SNAPC3: variants seen among roughly 807,000 people sequenced by gnomAD.
SNAPC3 encodes the protein snRNA-activating protein complex subunit 3.
SNAPC3 carries 56 observed loss-of-function variants against 47.7 expected under a neutral mutation model. The ratio of observed to expected loss-of-function variants is 1.18; its 90% CI spans 0.95 to 1.47. The LOEUF (loss-of-function observed/expected upper bound fraction) is 1.47. SNAPC3 is among the 40% of genes most tolerant of loss of function. The pLI is 0.00. For missense variants in SNAPC3, 665 were observed against 511.3 expected, an observed-to-expected ratio of 1.30 and a Z score of -2.90; for synonymous variants, 235 against 189.9, an observed-to-expected ratio of 1.24 and a Z score of -1.95.
At chr9:15,465,237 C>A (rs1164741422), downstream of SNAPC3, 3 of 356,274 alleles carry the variant, frequency 8.4e-6, no homozygotes, top group African/African-American at 2.1e-5. Flanking sequence ...CATTAACATA[C>A]ACACACTAAT....
intron 4 of SNAPC3, among the ~76,000 whole-genome samples, chr9:15,446,782 G>C (rs1278495684): frequency 6.6e-6 from 1 of 152,180 alleles, no homozygotes; most frequent in Non-Finnish European, 1.5e-5. Context: ...TTTGGTGGCA[G>C]AGGGGCTGTC....
intron 2 of SNAPC3, among the ~76,000 whole-genome samples, chr9:15,427,277 G>T (rs974303278): frequency 6.6e-6 from 1 of 152,208 alleles, no homozygotes; most frequent in Non-Finnish European, 1.5e-5. Context: ...AGAGATAATT[G>T]TTAATACATG....
intron 2 of SNAPC3, among the ~76,000 whole-genome samples, chr9:15,425,210 TGTTATGTTATGTTAC>T (rs1407456574): frequency 1.3e-5 from 2 of 152,154 alleles, no homozygotes; most frequent in African/African-American, 4.8e-5. Flanking sequence ...ACCACTTCTA[TGTTATGTTATGTTAC>T]GTTATTTTTT....
At chr9:15,433,751 C>T in intron 3 of SNAPC3, 115 bp downstream of exon 3, 1 of 596,862 alleles carries the variant, frequency 1.7e-6, no homozygotes, top group Non-Finnish European at 2.9e-6. Context: ...TAGTTGAAAA[C>T]AAACTAGAGA....
intron 7 of SNAPC3, among the ~76,000 whole-genome samples, chr9:15,453,735 TG>T (rs1202868443): frequency 6.6e-6 from 1 of 152,262 alleles, no homozygotes; most frequent in Non-Finnish European, 1.5e-5. Flanking sequence ...CTCTATTCCA[TG>T]AATAAGGCTA....
At chr9:15,440,419 C>T (rs940420619) in intron 3 of SNAPC3, among the ~76,000 whole-genome samples, 2 of 152,296 alleles carry the variant, frequency 1.3e-5, no homozygotes, top group South Asian at 2.1e-4. Flanking sequence ...GTCTTAATTT[C>T]TCCTTCATTC....
At chr9:15,462,187 A>C (rs1563858368), downstream of SNAPC3, 1 of 152,248 alleles carries the variant, frequency 6.6e-6, no homozygotes, top group Non-Finnish European at 1.5e-5. Context: ...GACAAAGAAG[A>C]AACATGCCAG....
At chr9:15,440,251 G>C (rs933565084) in intron 3 of SNAPC3, among the ~76,000 whole-genome samples, 12 of 152,180 alleles carry the variant, frequency 7.9e-5, no homozygotes, top group African/African-American at 2.9e-4. Flanking sequence ...ATATTTACCT[G>C]TGTTGTTCCC....
At chr9:15,432,564 G>C (rs1436545210) in intron 2 of SNAPC3, among the ~76,000 whole-genome samples, 1 of 152,148 alleles carries the variant, frequency 6.6e-6, no homozygotes. Context: ...GAGAGGACTT[G>C]CTGAAAGAAC....
In SNAPC3 at chr9:15,453,160, G is replaced by A; in HGVS notation, c.935G>A (p.Cys312Tyr). The A allele has an allele frequency of 1.9e-6, 3 of 1,613,284 alleles. No homozygotes were observed. Among genetic ancestry groups the A allele is most frequent in the Non-Finnish European group, 2.5e-6 (3 of 1,179,350 alleles). Residue 312 changes from cysteine (C) to tyrosine (Y), a missense_variant, in exon 7 of 9, where the codon TGT becomes TAT. Cys to Tyr is a radical substitution (Grantham distance 194). Coordinates refer to ENST00000380821, the MANE Select transcript of SNAPC3 (RefSeq NM_001039697.2). ...CIKLGFPYLY[C>Y]HQGDCEHVIV... ...AAACTGGGTTTTCCTTACTTATACT[G>A]TCATCAGGGAGACTGTGAACATGTC...
intron 7 of SNAPC3, among the ~76,000 whole-genome samples, chr9:15,454,041 C>G (rs543776017): frequency 6.6e-6 from 1 of 152,164 alleles, no homozygotes; most frequent in South Asian, 2.1e-4. Context: ...TCGAGACCAG[C>G]CTGAACAATA....
chr9:15,428,361 T>G (rs921196388), intron 2 of SNAPC3, among the ~76,000 whole-genome samples: 1 of 151,878 alleles, frequency 6.6e-6, no homozygotes, highest in Non-Finnish European at 1.5e-5. Context: ...CTGTTAAGTC[T>G]AGCCGGTCGT....
chr9:15,465,704 A>T, downstream of SNAPC3: 1 of 726,778 alleles, frequency 1.4e-6, no homozygotes, highest in Non-Finnish European at 2.2e-6. Flanking sequence ...AAACAAAAGA[A>T]AAACTTGACT....
intron 3 of SNAPC3, among the ~76,000 whole-genome samples, chr9:15,438,450 T>C (rs961933001): frequency 2.0e-5 from 3 of 152,152 alleles, no homozygotes; most frequent in Non-Finnish European, 2.9e-5. Context: ...TTCTGTATTT[T>C]CTATTCTTTT....
chr9:15,454,754 A>T (rs114085431), intron 7 of SNAPC3, among the ~76,000 whole-genome samples: 1 of 152,106 alleles, frequency 6.6e-6, no homozygotes, highest in East Asian at 1.9e-4. Context: ...TGGCTAACAC[A>T]GTGAAAGCGT....
chr9:15,431,516 G>A (rs1370050061), intron 2 of SNAPC3, among the ~76,000 whole-genome samples: 1 of 151,678 alleles, frequency 6.6e-6, no homozygotes, highest in Non-Finnish European at 1.5e-5. Context: ...ATTGATACAG[G>A]AGATAACAGA....
intron 3 of SNAPC3, among the ~76,000 whole-genome samples, chr9:15,437,114 C>G (rs545274014): frequency 6.6e-6 from 1 of 152,080 alleles, no homozygotes; most frequent in Non-Finnish European, 1.5e-5. Flanking sequence ...CGTGAGCCAC[C>G]GTGCCCAGCC....
In SNAPC3 at chr9:15,423,965, A is replaced by G. The variant is rs1038971385; in HGVS notation, c.371A>G (p.Asn124Ser). Residue 124 changes from asparagine (N) to serine (S), a missense_variant, in exon 2 of 9, where the codon AAT becomes AGT. Physicochemically the swap from Asn to Ser is conservative, Grantham distance 46 (BLOSUM62 1). Coordinates refer to ENST00000380821, the MANE Select transcript of SNAPC3 (RefSeq NM_001039697.2). The part of the protein sequence containing the change: ...DGEDPEVIPE[N>S]TDLVTLGVRK... Reference sequence around the variant, plus strand: ...GAGGATCCAGAAGTCATTCCGGAGAATACTGACCTGGTGACTTTGGGGTAT... The same window carrying G: ...GAGGATCCAGAAGTCATTCCGGAGAGTACTGACCTGGTGACTTTGGGGTAT... 1 of 1,583,864 alleles carries G rather than the reference A, an allele frequency of 6.3e-7. No homozygotes were observed. The highest frequency in any genetic ancestry group is 8.6e-7 in the Non-Finnish European group (1 of 1,165,904).
chr9:15,446,802 C>T (rs2033968537), intron 4 of SNAPC3, among the ~76,000 whole-genome samples: 1 of 152,088 alleles, frequency 6.6e-6, no homozygotes, highest in Non-Finnish European at 1.5e-5. Context: ...CCCTTGTAGC[C>T]TGGTGCTTGG....
Sources: gnomAD v4.1 joint callset for allele counts (sites outside exome capture counted in the v4.1 genomes callset) on GRCh38, gnomAD v4.1.1 for gene constraint, MANE v1.5 for transcripts, NCBI Gene and HGNC (gene_info 2026-07-23, HGNC 2026-07-21) for gene names.